The following GLIS3 variants were observed in gnomAD, a reference collection of about 807,000 sequenced individuals.
The protein encoded by GLIS3 is GLIS family zinc finger 3.
A neutral mutation model predicts 78.6 loss-of-function variants in GLIS3; 53 were observed. The observed-to-expected ratio is 0.67, with a 90% CI of 0.54 to 0.85. The LOEUF (loss-of-function observed/expected upper bound fraction) is 0.85. Among genes scored for constraint, GLIS3 ranks in the 40% least tolerant of loss-of-function variants. GLIS3 has a pLI of 0.00. For missense variants in GLIS3, 1,703 were observed against 1,231.1 expected, an observed-to-expected ratio of 1.38 and a Z score of -5.74; for synonymous variants, 684 against 509.9, an observed-to-expected ratio of 1.34 and a Z score of -4.60.
chr9:3,929,756 G>A (rs1208074698), intron 6 of GLIS3, among the ~76,000 whole-genome samples: 2 of 152,118 alleles, frequency 1.3e-5, no homozygotes, highest in African/African-American at 4.8e-5. Flanking sequence ...TATCACCTTG[G>A]AATTTTTATG....
At chr9:4,373,941 C>G in the GLIS3 span, among the ~76,000 whole-genome samples, 1 of 152,172 alleles carries the variant, frequency 6.6e-6, no homozygotes, top group African/African-American at 2.4e-5. Context: ...GCTGGGATTA[C>G]AGGTGTGAGC....
chr9:4,200,625 A>C (rs1387077357), intron 2 of GLIS3, among the ~76,000 whole-genome samples: 1 of 152,208 alleles, frequency 6.6e-6, no homozygotes, highest in Admixed American at 6.5e-5. Context: ...TAAAACCCTG[A>C]ACAGACCAAT....
At chr9:3,849,492 T>TC in intron 9 of GLIS3, among the ~76,000 whole-genome samples, 1 of 152,306 alleles carries the variant, frequency 6.6e-6, no homozygotes, top group East Asian at 1.9e-4. Context: ...ATTCATGCTG[T>TC]GACCAGGAGG....
chr9:4,221,082 C>G (rs1464128893), intron 2 of GLIS3, among the ~76,000 whole-genome samples: 1 of 151,984 alleles, frequency 6.6e-6, no homozygotes, highest in Non-Finnish European at 1.5e-5. Flanking sequence ...TTTTCATTTT[C>G]TAGGACCTAC....
intron 8 of GLIS3, among the ~76,000 whole-genome samples, chr9:3,858,920 A>G (rs1307475755): frequency 1.3e-5 from 2 of 152,240 alleles, no homozygotes; most frequent in African/African-American, 2.4e-5. Context: ...AACACCACAT[A>G]GTACCATACT....
At chr9:4,383,928 G>A in the GLIS3 span, among the ~76,000 whole-genome samples, 7 of 152,172 alleles carry the variant, frequency 4.6e-5, no homozygotes, top group Admixed American at 3.3e-4. Context: ...GTCCTAGAGA[G>A]AGCACGAACC....
the GLIS3 span, among the ~76,000 whole-genome samples, chr9:4,484,942 C>T: frequency 6.7e-6 from 1 of 149,942 alleles, no homozygotes; most frequent in Admixed American, 6.7e-5. Flanking sequence ...TGTAACTTCT[C>T]CAATTTACTC....
chr9:4,268,053 GCACACA>G (rs376710564), intron 2 of GLIS3, among the ~76,000 whole-genome samples: 48 of 151,116 alleles, frequency 3.2e-4, no homozygotes, highest in African/African-American at 1.1e-3. Flanking sequence ...GCGTGCGTGC[GCACACA>G]CACACACACT....
chr9:4,047,731 G>T (rs1825370511), intron 4 of GLIS3, among the ~76,000 whole-genome samples: 1 of 152,138 alleles, frequency 6.6e-6, no homozygotes, highest in South Asian at 2.1e-4. Flanking sequence ...GCTACCCCAT[G>T]CCAGCACAGA....
chr9:4,376,028 C>T, the GLIS3 span, among the ~76,000 whole-genome samples: 1 of 152,162 alleles, frequency 6.6e-6, no homozygotes, highest in Non-Finnish European at 1.5e-5. Flanking sequence ...GCTGAGGTCA[C>T]ATATGAGACA....
At chr9:4,343,632 T>A (rs1176991707) in intron 2 of GLIS3, among the ~76,000 whole-genome samples, 1 of 152,184 alleles carries the variant, frequency 6.6e-6, no homozygotes, top group East Asian at 1.9e-4. Context: ...ATCACAGCAC[T>A]AGTCACAATA....
intron 2 of GLIS3, among the ~76,000 whole-genome samples, chr9:4,143,453 G>C (rs1586795830): frequency 6.6e-6 from 1 of 152,028 alleles, no homozygotes; most frequent in Non-Finnish European, 1.5e-5. Context: ...TGTAATCCCA[G>C]CTACTCAGGA....
At chr9:3,997,669 G>T (rs945582860) in intron 4 of GLIS3, among the ~76,000 whole-genome samples, 19 of 151,776 alleles carry the variant, frequency 1.3e-4, no homozygotes. Flanking sequence ...GACTATCTCT[G>T]CAGGAATAAA....
chr9:4,040,457 T>A (rs1824714605), intron 4 of GLIS3, among the ~76,000 whole-genome samples: 1 of 152,138 alleles, frequency 6.6e-6, no homozygotes, highest in Non-Finnish European at 1.5e-5. Context: ...ACATTTACGA[T>A]AGAAAAGGAA....
chr9:4,315,072 G>T (rs779840500), intron 2 of GLIS3, among the ~76,000 whole-genome samples: 1 of 152,140 alleles, frequency 6.6e-6, no homozygotes, highest in Non-Finnish European at 1.5e-5. Flanking sequence ...GCTCTTCTGT[G>T]TACTGACTCA....
chr9:4,381,513 A>G, the GLIS3 span, among the ~76,000 whole-genome samples: 1 of 152,238 alleles, frequency 6.6e-6, no homozygotes, highest in Non-Finnish European at 1.5e-5. Flanking sequence ...GCATGGTCAC[A>G]TAGTACTCAC....
intron 2 of GLIS3, among the ~76,000 whole-genome samples, chr9:4,172,910 G>A (rs899328916): frequency 6.6e-6 from 1 of 152,202 alleles, no homozygotes; most frequent in Non-Finnish European, 1.5e-5. Flanking sequence ...ATCATGTAGG[G>A]AAGCAGGCCA....
chr9:4,260,660 C>G (rs1475017202), intron 2 of GLIS3, among the ~76,000 whole-genome samples: 3 of 151,790 alleles, frequency 2.0e-5, no homozygotes, highest in Non-Finnish European at 4.4e-5. Flanking sequence ...GCACAAGAAT[C>G]TGTTGAACCC....
chr9:4,395,322 G>T, the GLIS3 span, among the ~76,000 whole-genome samples: 1 of 152,176 alleles, frequency 6.6e-6, no homozygotes, highest in Non-Finnish European at 1.5e-5. Context: ...TGTGTGTAGT[G>T]TGGGTATTTT....
Sources: gnomAD v4.1 joint callset for allele counts (sites outside exome capture counted in the v4.1 genomes callset) on GRCh38, gnomAD v4.1.1 for gene constraint, MANE v1.5 for transcripts, NCBI Gene and HGNC (gene_info 2026-07-23, HGNC 2026-07-21) for gene names.